The following TSHZ2 variants were observed in gnomAD, a reference collection of about 807,000 sequenced individuals.
The protein encoded by TSHZ2 is teashirt homolog 2.
A neutral mutation model predicts 74.4 loss-of-function variants in TSHZ2; 21 were observed. The ratio of observed to expected loss-of-function variants is 0.28; its 90% CI spans 0.20 to 0.41. The LOEUF (loss-of-function observed/expected upper bound fraction) is 0.41, where lower values mean the gene tolerates loss of function less well. Among genes scored for constraint, TSHZ2 ranks in the 10% least tolerant of loss-of-function variants. The pLI is 1.00. For missense variants in TSHZ2, 1,244 were observed against 1,293.5 expected (o/e 0.96, Z 0.59); for synonymous variants, 540 against 515.3 (o/e 1.05, Z -0.65).
chr20:53,294,481 AAGAGAGAG>A (rs568969397), intron 2 of TSHZ2, among the ~76,000 whole-genome samples: 1 of 151,846 alleles, frequency 6.6e-6, no homozygotes, highest in Non-Finnish European at 1.5e-5. Flanking sequence ...ATAAAAAAAA[AAGAGAGAG>A]AGAGAGACAG....
intron 2 of TSHZ2, among the ~76,000 whole-genome samples, chr20:53,331,441 C>T (rs1009808717): frequency 3.9e-5 from 6 of 152,042 alleles, no homozygotes; most frequent in Non-Finnish European, 8.8e-5. Context: ...GGAGCACAGC[C>T]GGGCCAGGGG....
At chr20:52,980,101 T>C (rs1981505947) in intron 1 of TSHZ2, among the ~76,000 whole-genome samples, 3 of 152,152 alleles carry the variant, frequency 2.0e-5, no homozygotes, top group African/African-American at 7.2e-5. Context: ...CAACACTTTT[T>C]AAAAAATTGT....
chr20:53,088,935 A>G (rs1051897861), intron 1 of TSHZ2, among the ~76,000 whole-genome samples: 7 of 152,092 alleles, frequency 4.6e-5, no homozygotes, highest in African/African-American at 1.7e-4. Context: ...AAGGATAGCA[A>G]TTAGGTTGTT....
rs541445662 is a variant in TSHZ2, at chr20:53,015,143, C to T, written c.40+41810C>T. Among the ~76,000 whole-genome samples the T allele has an allele frequency of 2.5e-4, 38 of 152,286 alleles. 1 individual carries two copies. Among genetic ancestry groups the T allele is most frequent in the Non-Finnish European group, 3.8e-4 (26 of 68,012 alleles). On this transcript the variant is annotated intron_variant, in intron 1 of 2. Transcript: ENST00000371497. ...CCTGGTTCTTCCCATGGCCTGGCTT[C>T]TCCTCATCATTGTCACTGTCACCTC... is the stretch of plus-strand genomic sequence containing the variant.
chr20:53,326,160 T>A (rs1419930761), intron 2 of TSHZ2, among the ~76,000 whole-genome samples: 1 of 152,220 alleles, frequency 6.6e-6, no homozygotes, highest in East Asian at 1.9e-4. Flanking sequence ...GCTTTGAGAA[T>A]GGGAGAGAGG....
At chr20:53,453,348 C>T (rs941089453) in intron 2 of TSHZ2, among the ~76,000 whole-genome samples, 2 of 152,180 alleles carry the variant, frequency 1.3e-5, no homozygotes, top group Non-Finnish European at 2.9e-5. Context: ...TTTTTCTCTA[C>T]GAACACATTG....
chr20:53,437,050 A>C (rs1984110607), intron 2 of TSHZ2, among the ~76,000 whole-genome samples: 1 of 152,088 alleles, frequency 6.6e-6, no homozygotes, highest in South Asian at 2.1e-4. Flanking sequence ...TTCTTTTCTA[A>C]CCTAGAAAAG....
intron 1 of TSHZ2, among the ~76,000 whole-genome samples, chr20:52,999,043 A>T (rs1982311291): frequency 6.6e-6 from 1 of 152,234 alleles, no homozygotes. Context: ...TGAAACTTAC[A>T]GCAGTGATTT....
At chr20:53,159,674 A>G (rs1376761237) in intron 1 of TSHZ2, among the ~76,000 whole-genome samples, 3 of 151,954 alleles carry the variant, frequency 2.0e-5, no homozygotes, top group Non-Finnish European at 4.4e-5. Flanking sequence ...ACAGGAAAAC[A>G]CTTAAGTGAC....
intron 1 of TSHZ2, among the ~76,000 whole-genome samples, chr20:53,158,329 GA>G (rs1282447263): frequency 6.6e-6 from 1 of 152,172 alleles, no homozygotes; most frequent in Non-Finnish European, 1.5e-5. Context: ...TGGGGCAGGA[GA>G]AAAGCATCAT....
At chr20:53,240,269 G>T (rs1990034035) in intron 1 of TSHZ2, among the ~76,000 whole-genome samples, 1 of 152,164 alleles carries the variant, frequency 6.6e-6, no homozygotes, top group Non-Finnish European at 1.5e-5. Flanking sequence ...TAAATAGGAT[G>T]CTACGGCAAG....
chr20:53,291,171 G>A (rs1405439115), intron 2 of TSHZ2, among the ~76,000 whole-genome samples: 1 of 152,172 alleles, frequency 6.6e-6, no homozygotes, highest in East Asian at 1.9e-4. Flanking sequence ...AAATACCCTG[G>A]TCAAAAATAT....
At chr20:53,402,912 C>T (rs156610) in intron 2 of TSHZ2, among the ~76,000 whole-genome samples, 41,856 of 152,100 alleles carry the variant, frequency 0.28, 11,323 homozygotes, top group African/African-American at 0.71. Context: ...TGTTCAGCTC[C>T]CAGGGCTGCC....
At chr20:53,144,814 C>T (rs966864791) in intron 1 of TSHZ2, among the ~76,000 whole-genome samples, 5 of 151,442 alleles carry the variant, frequency 3.3e-5, no homozygotes, top group African/African-American at 1.2e-4. Flanking sequence ...AATAGTATTA[C>T]ATGTATTAAA....
intron 1 of TSHZ2, among the ~76,000 whole-genome samples, chr20:53,176,223 A>G (rs1050470001): frequency 1.3e-5 from 2 of 151,922 alleles, no homozygotes; most frequent in Admixed American, 6.6e-5. Context: ...TCTTTCTTTT[A>G]CCCGTTTTCC....
At chr20:53,127,651 T>C (rs945049675) in intron 1 of TSHZ2, among the ~76,000 whole-genome samples, 8 of 152,236 alleles carry the variant, frequency 5.3e-5, no homozygotes, top group Non-Finnish European at 1.2e-4. Flanking sequence ...TGGAAACTGA[T>C]GTTTGATTGA....
intron 2 of TSHZ2, among the ~76,000 whole-genome samples, chr20:53,450,083 T>G (rs1984715366): frequency 6.6e-6 from 1 of 152,238 alleles, no homozygotes; most frequent in Non-Finnish European, 1.5e-5. Context: ...TATCTTAACC[T>G]TCTTGCTGAA....
At chr20:53,162,687 G>T (rs1453512520) in intron 1 of TSHZ2, among the ~76,000 whole-genome samples, 1 of 152,150 alleles carries the variant, frequency 6.6e-6, no homozygotes, top group Non-Finnish European at 1.5e-5. Context: ...TGGGGGTGTT[G>T]CATGGGAAAG....
At chr20:53,433,584 G>GACACACACACACACACACACACAC (rs59162370) in intron 2 of TSHZ2, among the ~76,000 whole-genome samples, 16 of 137,152 alleles carry the variant, frequency 1.2e-4, no homozygotes, top group Non-Finnish European at 2.2e-4. Context: ...CAGACACACA[G>GACACACACACACACACACACACAC]ACACACACAC....
Sources: gnomAD v4.1 joint callset for allele counts (sites outside exome capture counted in the v4.1 genomes callset) on GRCh38, gnomAD v4.1.1 for gene constraint, MANE v1.5 for transcripts, NCBI Gene and HGNC (gene_info 2026-07-23, HGNC 2026-07-21) for gene names.